Variants in PHACTR2 observed in about 807,000 individuals in gnomAD.
PHACTR2 encodes chromosome 6 open reading frame 56.
In PHACTR2, 30 loss-of-function variants were observed where a neutral mutation model predicts 76.0. That is an observed-to-expected ratio of 0.39 (90% CI 0.30 to 0.54). The LOEUF (loss-of-function observed/expected upper bound fraction) is 0.54. PHACTR2 is among the 20% of genes least tolerant of loss of function. The pLI is 0.61. For synonymous variants in PHACTR2, 292 were observed against 292.5 expected (o/e 1.00, Z 0.02); for missense variants, 696 against 781.1 (o/e 0.89, Z 1.30).
Position 143,820,820 on chromosome 6 carries a change from G to T in PHACTR2, c.1923-2854G>T, listed in dbSNP as rs1403803222. Among the ~76,000 whole-genome samples, 1 of 152,246 alleles carries T rather than the reference G, an allele frequency of 6.6e-6. No individual in the cohort carries two copies. Among genetic ancestry groups the T allele is most frequent in the African/African-American group, 2.4e-5 (1 of 41,466 alleles). On this transcript the variant is annotated intron_variant, in intron 12 of 12. Transcript: ENST00000440869. This position sits in a 1 kb window ranked among gnomAD's most constrained non-coding sequence, Gnocchi z 4.2. Reference sequence around the variant, plus strand: ...CACACTGCCCTAGTAGAGGTTCTCTGTGGGGGCTGTGCCCTTCCAGTAGGC... The same window carrying T: ...CACACTGCCCTAGTAGAGGTTCTCTTTGGGGGCTGTGCCCTTCCAGTAGGC...
intron 1 of PHACTR2, among the ~76,000 whole-genome samples, chr6:143,564,275 A>C (rs1775330886): frequency 7.5e-6 from 1 of 133,430 alleles, no homozygotes; most frequent in African/African-American, 2.8e-5. Context: ...CAGAGTGAGA[A>C]CCTGTCTCTA....
In PHACTR2 at chr6:143,753,902, A is replaced by T. The variant is rs1185253236; in HGVS notation, c.444A>T (p.Glu148Asp). ...EKTPPLEEQA[E>D]DKKENTENHS... ...CACCACCTCTGGAGGAACAGGCAGA[A>T]GATAAGAAAGGTAAAATAAAGACAA... Residue 148 changes from glutamate to aspartate, a missense_variant, in exon 4 of 13, where the codon GAA becomes GAT. This residue lies in a region of PHACTR2 where 460 missense variants were observed against 450.9 expected (regional missense o/e 1.02). Coordinates refer to ENST00000440869, the MANE Select transcript of PHACTR2 (RefSeq NM_001100164.2). This position sits in a 1 kb window ranked among gnomAD's most constrained non-coding sequence, Gnocchi z 4.6. 6.3e-7 allele frequency: 1 copy of T among 1,599,188 alleles called. No homozygotes were observed. The highest frequency in any genetic ancestry group is 8.5e-7 in the Non-Finnish European group (1 of 1,175,932).
At chr6:143,802,262 C>T (rs1775974598) in intron 11 of PHACTR2, among the ~76,000 whole-genome samples, 1 of 152,088 alleles carries the variant, frequency 6.6e-6, no homozygotes, top group African/African-American at 2.4e-5. Context: ...AATGGCTTCC[C>T]ATTGGTTGTA....
chr6:143,621,772 C>T lies in PHACTR2; in HGVS notation c.13+13450C>T, dbSNP rs1163869055. The stretch of plus-strand genomic sequence containing the variant: ...TATTATGTAACATAGATTCATTTTG[C>T]ACCTACGTGGACTTTAAATCTTTGC... On this transcript the variant is annotated intron_variant, in intron 1 of 11. Transcript: ENST00000305766. The surrounding 1 kb of genome is among the most constrained non-coding windows in gnomAD (Gnocchi z 4.1). Among the ~76,000 whole-genome samples, 1 of 152,196 alleles carries T rather than the reference C, an allele frequency of 6.6e-6. No individual in the cohort carries two copies. The highest frequency in any genetic ancestry group is 1.5e-5 in the Non-Finnish European group (1 of 68,040).
At chr6:143,555,406 C>T (rs1369602409) in intron 1 of PHACTR2, among the ~76,000 whole-genome samples, 1 of 152,090 alleles carries the variant, frequency 6.6e-6, no homozygotes, top group Admixed American at 6.5e-5. Flanking sequence ...GAGCCAAAAA[C>T]CTTATCACTT....
At chr6:143,559,562 C>A (rs1775231009) in intron 1 of PHACTR2, among the ~76,000 whole-genome samples, 1 of 152,106 alleles carries the variant, frequency 6.6e-6, no homozygotes, top group Non-Finnish European at 1.5e-5. Context: ...ATAATTCATT[C>A]ATGAGCATGT....
Position 143,597,670 on chromosome 6 carries a change from G to T in PHACTR2, c.217+60463G>T, listed in dbSNP as rs1248608857. Among the ~76,000 whole-genome samples the T allele has an allele frequency of 6.6e-6, 1 of 152,074 alleles. No homozygotes were observed. Among genetic ancestry groups the T allele is most frequent in the Non-Finnish European group, 1.5e-5 (1 of 68,008 alleles). ...AATACATGGTTCCATTTGTGTTCTAGCATAGAGGTTTTTAAAGTCTTTATT... is the reference window on the plus strand; with the variant it reads ...AATACATGGTTCCATTTGTGTTCTATCATAGAGGTTTTTAAAGTCTTTATT... On this transcript the variant is annotated intron_variant, in intron 1 of 11. Transcript: ENST00000367584. This position sits in a 1 kb window ranked among gnomAD's most constrained non-coding sequence, Gnocchi z 5.7.
rs1266951823 is a variant in PHACTR2 at position 143,736,601 on chromosome 6, GCCTTGCTCTGT to G, written c.215-12382_215-12372del. ...TTTTTTTTTTTTTTTTTGAGACGGA[GCCTTGCTCTGT>G]CACCCAGGCTGGAGTGCAGTGGCAA... On this transcript the variant is annotated intron_variant, in intron 2 of 12. Coordinates refer to ENST00000440869, the MANE Select transcript of PHACTR2 (RefSeq NM_001100164.2). Among the ~76,000 whole-genome samples, 93 of 94,984 alleles carry G rather than the reference GCCTTGCTCTGT, an allele frequency of 9.8e-4. 1 individual carries two copies. The highest frequency in any genetic ancestry group is 3.1e-3 in the South Asian group (8 of 2,622). The allele number at this position is 94,984 out of a possible 152,430, so 62.3% of individuals were successfully genotyped here. A position where few individuals can be genotyped will look rare whatever the true frequency, so the allele number is the denominator to read the frequency against.
rs888598054 is a variant in PHACTR2, at chr6:143,599,390, C to T, written c.217+62183C>T. ...AGGAATTTTGGCCCTGCCTGGACCA[C>T]ACTGTTTATTGATTCATCCATCACT... On this transcript the variant is annotated intron_variant, in intron 1 of 11. Coordinates refer to the PHACTR2 transcript ENST00000367584. This position sits in a 1 kb window ranked among gnomAD's most constrained non-coding sequence, Gnocchi z 4.6. 2.0e-5 allele frequency among the ~76,000 whole-genome samples: 3 copies of T among 152,132 alleles called. No individual in the cohort carries two copies. Among genetic ancestry groups the T allele is most frequent in the African/African-American group, 7.2e-5 (3 of 41,420 alleles).
rs1040063396 is a variant in PHACTR2, at chr6:143,627,695, A to G, written c.13+19373A>G. On this transcript the variant is annotated intron_variant, in intron 1 of 11. Coordinates refer to the PHACTR2 transcript ENST00000305766. The surrounding 1 kb of genome is among the most constrained non-coding windows in gnomAD (Gnocchi z 4.3). ...CGGCTCACTGCAACCTCCGCCTCCC[A>G]GGTTCAAGCGATTCTCCTGCCTCAG... is the stretch of plus-strand genomic sequence containing the variant. Among the ~76,000 whole-genome samples the G allele has an allele frequency of 5.3e-5, 8 of 150,506 alleles. No individual in the cohort carries two copies. Among genetic ancestry groups the G allele is most frequent in the African/African-American group, 2.0e-4 (8 of 40,930 alleles).
chr6:143,772,417 T>G lies in PHACTR2; in HGVS notation c.1392T>G (p.Asp464Glu), dbSNP rs764836804. 1 of 1,613,988 alleles carries G rather than the reference T, an allele frequency of 6.2e-7. No homozygotes were observed. The highest frequency in any genetic ancestry group is 8.5e-7 in the Non-Finnish European group (1 of 1,179,976). Residue 464 changes from aspartate to glutamate, a missense_variant, in exon 7 of 13, where the codon GAT becomes GAG. This residue lies in a region of PHACTR2 where 236 missense variants were observed against 330.2 expected (regional missense o/e 0.71). Coordinates refer to ENST00000440869, the MANE Select transcript of PHACTR2 (RefSeq NM_001100164.2). This position sits in a 1 kb window ranked among gnomAD's most constrained non-coding sequence, Gnocchi z 5.4. Reference sequence around the variant, plus strand: ...CGGACGGGCCTATCTTGTACACCGATGATGAGGACGAAGACGAAGATGAGG... The same window carrying G: ...CGGACGGGCCTATCTTGTACACCGAGGATGAGGACGAAGACGAAGATGAGG... ...SDSDGPILYTDDEDEDEDEDG... is the reference protein window; with the variant it reads ...SDSDGPILYTEDEDEDEDEDG...
intron 1 of PHACTR2, among the ~76,000 whole-genome samples, chr6:143,640,055 C>G (rs1471741834): frequency 6.6e-6 from 1 of 152,132 alleles, no homozygotes; most frequent in African/African-American, 2.4e-5. Context: ...TTCCTATAAC[C>G]TAGTGATGTC....
At chr6:143,685,632 C>G (rs1019365521) in intron 1 of PHACTR2, among the ~76,000 whole-genome samples, 4 of 128,122 alleles carry the variant, frequency 3.1e-5, no homozygotes, top group Non-Finnish European at 6.4e-5. Context: ...GTTACCTGAC[C>G]AAAGAAGAAC....
chr6:143,538,189 C>T (rs180925293), intron 1 of PHACTR2, among the ~76,000 whole-genome samples: 28 of 152,334 alleles, frequency 1.8e-4, no homozygotes, highest in Middle Eastern at 3.4e-3. Flanking sequence ...CCCTGTGCCC[C>T]GTGCACCGGG....
At chr6:143,638,599 A>ACCCC (rs1554216931) in intron 1 of PHACTR2, among the ~76,000 whole-genome samples, 36 of 149,830 alleles carry the variant, frequency 2.4e-4, no homozygotes, top group African/African-American at 8.6e-4. Context: ...ACACACACAC[A>ACCCC]CCCAGCTATC....
upstream of PHACTR2, among the ~76,000 whole-genome samples, chr6:143,673,695 A>G (rs1020399474): frequency 6.6e-6 from 1 of 151,946 alleles, no homozygotes; most frequent in African/African-American, 2.4e-5. Context: ...GGGTAGGGAG[A>G]ATGTCTTTGG....
intron 1 of PHACTR2, among the ~76,000 whole-genome samples, chr6:143,632,357 AC>A (rs1297221512): frequency 3.3e-5 from 5 of 152,248 alleles, no homozygotes; most frequent in African/African-American, 4.8e-5. Context: ...CTATTTAGAT[AC>A]CCCCGCCACC....
In PHACTR2 at chr6:143,550,642, C is replaced by G. The variant is rs1192481496; in HGVS notation, c.217+13435C>G. Among the ~76,000 whole-genome samples, 2 of 151,944 alleles carry G rather than the reference C, an allele frequency of 1.3e-5. No individual in the cohort carries two copies. The highest frequency in any genetic ancestry group is 6.6e-5 in the Admixed American group (1 of 15,238). ...CAAGAGTGTCCATATGAATTGGCTT[C>G]TGGGACTTTCTCTGAAAAACCTCTA... On this transcript the variant is annotated intron_variant, in intron 1 of 11. Transcript: ENST00000367584. The surrounding 1 kb of genome is among the most constrained non-coding windows in gnomAD (Gnocchi z 4.8).
chr6:143,631,510 G>A (rs192128031), intron 1 of PHACTR2, among the ~76,000 whole-genome samples: 1 of 152,176 alleles, frequency 6.6e-6, no homozygotes, highest in Non-Finnish European at 1.5e-5. Flanking sequence ...GCTTTTTTTA[G>A]CCTGCTTCCT....
Sources: allele counts gnomAD v4.1 joint callset (sites outside exome capture counted in the v4.1 genomes callset), GRCh38; gene constraint gnomAD v4.1.1; regional missense constraint gnomAD v4.1.1; non-coding constraint Gnocchi (gnomAD v3.1); transcripts MANE v1.5; gene names NCBI Gene and HGNC (gene_info 2026-07-23, HGNC 2026-07-21).